SNCAIP: variants seen among roughly 807,000 people sequenced by gnomAD.
SNCAIP encodes the protein synuclein alpha interacting protein, also known as synphilin-1.
SNCAIP carries 43 observed loss-of-function variants against 86.7 expected under a neutral mutation model. That is an observed-to-expected ratio of 0.50 (90% confidence interval 0.39 to 0.64). The LOEUF is 0.64. SNCAIP is among the 30% of genes least tolerant of loss of function. The pLI is 0.00. For synonymous variants in SNCAIP, 417 were observed against 427.2 expected, an observed-to-expected ratio of 0.98 and a Z score of 0.29; for missense variants, 981 against 1,103.1, an observed-to-expected ratio of 0.89 and a Z score of 1.57.
intron 1 of SNCAIP, among the ~76,000 whole-genome samples, chr5:122,317,106 A>C (rs995954284): frequency 3.9e-5 from 6 of 152,166 alleles, no homozygotes; most frequent in African/African-American, 1.4e-4. Flanking sequence ...AGAGTTTGCT[A>C]TAAAGTCCCT....
chr5:122,454,154 G>A (rs978875950), intron 10 of SNCAIP, among the ~76,000 whole-genome samples: 3 of 152,332 alleles, frequency 2.0e-5, no homozygotes, highest in East Asian at 3.9e-4. Flanking sequence ...ATGCATGTGG[G>A]TAGGTGGATA....
At chr5:122,322,904 A>G (rs1753264286) in intron 1 of SNCAIP, among the ~76,000 whole-genome samples, 1 of 152,210 alleles carries the variant, frequency 6.6e-6, no homozygotes, top group African/African-American at 2.4e-5. Flanking sequence ...GATTCTTAAA[A>G]AAGAATTCGT....
chr5:122,343,888 G>GA (rs1426792856), intron 1 of SNCAIP, among the ~76,000 whole-genome samples: 2 of 152,226 alleles, frequency 1.3e-5, no homozygotes, highest in Admixed American at 6.5e-5. Flanking sequence ...AAACCAGTTA[G>GA]ACATCAAAAC....
intron 10 of SNCAIP, among the ~76,000 whole-genome samples, chr5:122,459,262 C>T (rs967700845): frequency 1.1e-4 from 16 of 152,166 alleles, no homozygotes; most frequent in African/African-American, 3.4e-4. Flanking sequence ...TCGTGCGTGC[C>T]GTGGACCATT....
chr5:122,353,776 A>G (rs942701073), intron 1 of SNCAIP, among the ~76,000 whole-genome samples: 4 of 152,134 alleles, frequency 2.6e-5, no homozygotes, highest in East Asian at 1.9e-4. Context: ...CTGTAAGTCC[A>G]TTAAACCTCT....
At position 122,463,538 on chromosome 5, in the gene SNCAIP, A is replaced by G; in HGVS notation, c.*42A>G. The G allele has an allele frequency of 6.2e-7, 1 of 1,608,558 alleles. No homozygotes were observed. ...ATGAAGAAATCCTACAGCATAAAGC[A>G]CATTGCTGAGCCAGAGTCAAAAGAA... is the stretch of plus-strand genomic sequence containing the variant. On this transcript the variant is annotated 3_prime_UTR_variant, in exon 11 of 11. Coordinates refer to ENST00000261368, the MANE Select transcript of SNCAIP (RefSeq NM_005460.4).
chr5:122,375,802 G>A (rs1213740339), intron 1 of SNCAIP, among the ~76,000 whole-genome samples: 1 of 152,040 alleles, frequency 6.6e-6, no homozygotes, highest in Non-Finnish European at 1.5e-5. Context: ...GGTCTTCATG[G>A]GAAATGCTTA....
rs191958402 is a variant in SNCAIP, at chr5:122,439,050, A to G, written c.1297-1579A>G. Among the ~76,000 whole-genome samples, 205 of 152,340 alleles carry G rather than the reference A, an allele frequency of 1.3e-3. 1 individual carries two copies. The highest frequency in any genetic ancestry group is 4.6e-3 in the African/African-American group (190 of 41,568). Reference sequence around the variant, plus strand: ...TTTAAGGAGTTAAGAATCGTATGCTATAATCATCTATGTCCAATTAAAAGT... The same window carrying G: ...TTTAAGGAGTTAAGAATCGTATGCTGTAATCATCTATGTCCAATTAAAAGT... On this transcript the variant is annotated intron_variant, in intron 6 of 10. Coordinates refer to ENST00000261368, the MANE Select transcript of SNCAIP (RefSeq NM_005460.4).
intron 5 of SNCAIP, among the ~76,000 whole-genome samples, chr5:122,427,499 C>T (rs1308664098): frequency 2.0e-5 from 3 of 151,912 alleles, no homozygotes; most frequent in Non-Finnish European, 4.4e-5. Flanking sequence ...TGTTCTATTC[C>T]TTTATTCTAG....
Position 122,423,034 on chromosome 5 carries a change from C to G in SNCAIP, c.297C>G (p.Asn99Lys), listed in dbSNP as rs1475399912. Residue 99 changes from asparagine to lysine, a missense_variant, in exon 4 of 11, where the codon AAC (asparagine) becomes AAG (lysine). Physicochemically the swap from Asn to Lys is moderately conservative, Grantham distance 94. Transcript: ENST00000261368. ...ACAATGAAAGTGATGACCAAAAGAA[C>G]CAGAAAGTGGTTGAGTACCAGAAAG... ...LENNESDDQK[N>K]QKVVEYQKGG... The G allele has an allele frequency of 6.2e-7, 1 of 1,614,082 alleles. No individual in the cohort carries two copies. The highest frequency in any genetic ancestry group is 1.1e-5 in the South Asian group (1 of 91,082).
At chr5:122,311,598 G>A (rs1448033273), upstream of SNCAIP, 1 of 151,986 alleles carries the variant, frequency 6.6e-6, no homozygotes, top group African/African-American at 2.4e-5. Flanking sequence ...GGACCAATGA[G>A]ATGGCAGCGG....
intron 7 of SNCAIP, 132 bp downstream of exon 7, chr5:122,440,886 T>C: frequency 1.2e-6 from 1 of 841,674 alleles, no homozygotes; most frequent in Admixed American, 2.2e-5. Context: ...TAAGGAATTA[T>C]TGCTCTATTT....
intron 3 of SNCAIP, among the ~76,000 whole-genome samples, chr5:122,411,393 G>T (rs1208928055): frequency 6.6e-6 from 1 of 152,138 alleles, no homozygotes; most frequent in Non-Finnish European, 1.5e-5. Flanking sequence ...ATGAGTGTGT[G>T]TTGAGGGACA....
intron 2 of SNCAIP, among the ~76,000 whole-genome samples, chr5:122,396,273 G>C (rs1356689405): frequency 6.6e-6 from 1 of 152,110 alleles, no homozygotes; most frequent in Non-Finnish European, 1.5e-5. Context: ...ATCCAGAAAA[G>C]ATGAGTTACA....
chr5:122,458,119 T>C (rs1179394864), intron 10 of SNCAIP, among the ~76,000 whole-genome samples: 1 of 152,202 alleles, frequency 6.6e-6, no homozygotes, highest in African/African-American at 2.4e-5. Flanking sequence ...AAGTATGATA[T>C]GTTGAGACAT....
chr5:122,357,617 CTTT>C (rs1159553477), intron 1 of SNCAIP, among the ~76,000 whole-genome samples: 1 of 140,186 alleles, frequency 7.1e-6, no homozygotes, highest in Non-Finnish European at 1.6e-5. Flanking sequence ...GACAAGCCTT[CTTT>C]TTTTTTTTTT....
intron 1 of SNCAIP, among the ~76,000 whole-genome samples, chr5:122,315,683 T>C (rs943580952): frequency 4.6e-5 from 7 of 152,206 alleles, no homozygotes; most frequent in Non-Finnish European, 1.0e-4. Context: ...ATCATTGTCC[T>C]GCAATTTTTT....
At position 122,327,322 on chromosome 5, in the gene SNCAIP, G is replaced by T. The variant is rs192110439; in HGVS notation, c.-47+15038G>T. Among the ~76,000 whole-genome samples the T allele has an allele frequency of 2.0e-5, 3 of 152,204 alleles. No homozygotes were observed. The East Asian group carries it at 5.8e-4, about 29-fold the overall frequency. On this transcript the variant is annotated intron_variant, in intron 1 of 10. Coordinates refer to ENST00000261368, the MANE Select transcript of SNCAIP (RefSeq NM_005460.4). ...TGCTTGCCAAACAGAAGTAGGCATA[G>T]GTTCTTTAGAGTAATTGATGATGTT...
At chr5:122,355,910 C>T (rs976458278) in intron 1 of SNCAIP, among the ~76,000 whole-genome samples, 1 of 152,134 alleles carries the variant, frequency 6.6e-6, no homozygotes, top group Admixed American at 6.6e-5. Context: ...CACTTCAAAA[C>T]AGCACTTATA....
Sources: gnomAD v4.1 joint callset for allele counts (sites outside exome capture counted in the v4.1 genomes callset) on GRCh38, gnomAD v4.1.1 for gene constraint, MANE v1.5 for transcripts, NCBI Gene and HGNC (gene_info 2026-07-23, HGNC 2026-07-21) for gene names.